ADAMTS2: variants seen among roughly 807,000 people sequenced by gnomAD.
ADAMTS2 encodes A disintegrin and metalloproteinase with thrombospondin motifs 2.
Under a neutral mutation model 123.0 loss-of-function variants are expected in ADAMTS2, and 50 were observed. The ratio of observed to expected loss-of-function variants is 0.41; its 90% CI spans 0.32 to 0.51. The LOEUF is 0.51. ADAMTS2 is among the 20% of genes least tolerant of loss of function. ADAMTS2 has a pLI of 0.35. For synonymous variants in ADAMTS2, 678 were observed against 695.4 expected (o/e 0.98, Z 0.39); for missense variants, 1,494 against 1,705.2 (o/e 0.88, Z 2.18).
intron 4 of ADAMTS2, among the ~76,000 whole-genome samples, chr5:179,190,222 G>T (rs879318928): frequency 2.0e-5 from 3 of 152,136 alleles, no homozygotes; most frequent in Non-Finnish European, 4.4e-5. Context: ...GAAAATTTTT[G>T]GGGGTGATAT....
At chr5:179,266,854 G>A (rs1382584532) in intron 3 of ADAMTS2, among the ~76,000 whole-genome samples, 10 of 152,180 alleles carry the variant, frequency 6.6e-5, no homozygotes, top group Non-Finnish European at 8.8e-5. Flanking sequence ...GATGAGTCTC[G>A]CCTGCTCCCC....
rs1764449673 is a variant in ADAMTS2, at chr5:179,197,249, A to C, written c.891+10264T>G. Among the ~76,000 whole-genome samples, 1 of 152,156 alleles carries C rather than the reference A, an allele frequency of 6.6e-6. No individual in the cohort carries two copies. The highest frequency in any genetic ancestry group is 2.4e-5 in the African/African-American group (1 of 41,418). ...AGGAGTGCGGTGGGACCAGGGGCTC[A>C]CAAAGACAGTTCAAGGTCTTTGTAG... On this transcript the variant is annotated intron_variant, in intron 4 of 21. Coordinates refer to ENST00000251582, the MANE Select transcript of ADAMTS2 (RefSeq NM_014244.5). This position sits in a 1 kb window ranked among gnomAD's most constrained non-coding sequence, Gnocchi z 4.2.
At chr5:179,203,842 G>A (rs576283079) in intron 4 of ADAMTS2, among the ~76,000 whole-genome samples, 15 of 152,284 alleles carry the variant, frequency 9.9e-5, no homozygotes, top group African/African-American at 1.9e-4. Context: ...CCTGTGTCCC[G>A]CAATTCTACT....
intron 19 of ADAMTS2, 74 bp downstream of exon 19, chr5:179,124,899 C>T (rs887272564): frequency 3.4e-5 from 54 of 1,593,726 alleles, no homozygotes; most frequent in African/African-American, 2.3e-4. Flanking sequence ...CTGAATGCAG[C>T]GCACGGAGCG....
At chr5:179,295,457 G>C (rs1756302809) in intron 2 of ADAMTS2, among the ~76,000 whole-genome samples, 1 of 152,212 alleles carries the variant, frequency 6.6e-6, no homozygotes, top group Admixed American at 6.5e-5. Context: ...AGCTCTGTGA[G>C]TTGTGCCTTT....
chr5:179,320,052 G>A lies in ADAMTS2; in HGVS notation c.534+23715C>T, dbSNP rs549613955. Among the ~76,000 whole-genome samples, 5 of 152,322 alleles carry A rather than the reference G, an allele frequency of 3.3e-5. No homozygotes were observed. The East Asian group carries it at 9.7e-4, about 29-fold the overall frequency. ...GATCAGTCAACCTCCCCAGCCTTCTGTTTGCCTTGCAGAGCCAGCCGACTC... is the reference window on the plus strand; with the variant it reads ...GATCAGTCAACCTCCCCAGCCTTCTATTTGCCTTGCAGAGCCAGCCGACTC... On this transcript the variant is annotated intron_variant, in intron 2 of 21. Coordinates refer to ENST00000251582, the MANE Select transcript of ADAMTS2 (RefSeq NM_014244.5).
At chr5:179,250,195 G>A (rs912328419) in intron 3 of ADAMTS2, among the ~76,000 whole-genome samples, 1 of 152,198 alleles carries the variant, frequency 6.6e-6, no homozygotes, top group Non-Finnish European at 1.5e-5. Context: ...AAATTCCTCA[G>A]CATGATAAAG....
chr5:179,272,816 T>C lies in ADAMTS2; in HGVS notation c.688+95A>G. The stretch of plus-strand genomic sequence containing the variant: ...GGCTCAGCCTCAGCAGCCAAGCTGG[T>C]CTGTGGAGAGCTGCCTGAGTCTCTG... On this transcript the variant is annotated intron_variant, in intron 3 of 21. Transcript: ENST00000251582. The surrounding 1 kb of genome is among the most constrained non-coding windows in gnomAD (Gnocchi z 5.8). 2.0e-6 allele frequency: 3 copies of C among 1,482,360 alleles called. No homozygotes were observed. Among genetic ancestry groups the C allele is most frequent in the Non-Finnish European group, 2.7e-6 (3 of 1,102,000 alleles). The allele number at this position is 1,482,360 out of a possible 1,614,324, so 91.8% of individuals were successfully genotyped here. A position where few individuals can be genotyped will look rare whatever the true frequency, so the allele number is the denominator to read the frequency against.
chr5:179,114,248 G>T lies in ADAMTS2; in HGVS notation c.3255C>A (p.Tyr1085Ter), dbSNP rs1438867174. 1 of 1,613,982 alleles carries T rather than the reference G, an allele frequency of 6.2e-7. No individual in the cohort carries two copies. Among genetic ancestry groups the T allele is most frequent in the African/African-American group, 1.3e-5 (1 of 74,928 alleles). Reference protein sequence around the residue: ...VLSRYCSIPGYNKLCCKSCNL... With the variant: ...VLSRYCSIPG ...TACAGGACTTGCAGCACAGCTTGTT[G>T]TAGCCTGGGATGGAGCAATAGCGGG... The change falls in exon 22 of 22, where the codon TAC becomes TAA. Residue 1085 changes from tyrosine (Y) to a stop codon, truncating the protein, a stop_gained. Transcript: ENST00000251582. LOFTEE classifies it high-confidence loss of function.
intron 4 of ADAMTS2, among the ~76,000 whole-genome samples, chr5:179,186,502 C>G (rs1166570046): frequency 6.6e-6 from 1 of 152,174 alleles, no homozygotes; most frequent in African/African-American, 2.4e-5. Flanking sequence ...CTCTACCATC[C>G]CAGGGCTCTA....
intron 2 of ADAMTS2, among the ~76,000 whole-genome samples, chr5:179,293,286 G>A (rs1451383862): frequency 1.3e-5 from 2 of 152,274 alleles, no homozygotes; most frequent in Non-Finnish European, 2.9e-5. Context: ...CTTGAGGAAA[G>A]TCAGATTAAT....
In ADAMTS2 at chr5:179,314,656, G is replaced by C. The variant is rs1293500357; in HGVS notation, c.534+29111C>G. Among the ~76,000 whole-genome samples, 3 of 152,106 alleles carry C rather than the reference G, an allele frequency of 2.0e-5. No individual in the cohort carries two copies. Among genetic ancestry groups the C allele is most frequent in the African/African-American group, 7.2e-5 (3 of 41,404 alleles). ...CAGAGGCCCATGTGCTTGTCCCACAGGGTGACGGGCCAGAATTACAAGCCC... is the reference window on the plus strand; with the variant it reads ...CAGAGGCCCATGTGCTTGTCCCACACGGTGACGGGCCAGAATTACAAGCCC... On this transcript the variant is annotated intron_variant, in intron 2 of 21. Coordinates refer to ENST00000251582, the MANE Select transcript of ADAMTS2 (RefSeq NM_014244.5). The surrounding 1 kb of genome is among the most constrained non-coding windows in gnomAD (Gnocchi z 4.5).
Position 179,146,012 on chromosome 5 carries a change from C to T in ADAMTS2, c.1630-5977G>A, listed in dbSNP as rs536632993. On this transcript the variant is annotated intron_variant, in intron 10 of 21. Coordinates refer to ENST00000251582, the MANE Select transcript of ADAMTS2 (RefSeq NM_014244.5). ...GGATTATAGGTGCCCACCACAAGGCCCAGCTAATTTTTTTGTATTTTTAGC... is the reference window on the plus strand; with the variant it reads ...GGATTATAGGTGCCCACCACAAGGCTCAGCTAATTTTTTTGTATTTTTAGC... 5.9e-5 allele frequency among the ~76,000 whole-genome samples: 9 copies of T among 152,236 alleles called. No individual in the cohort carries two copies. In the South Asian group the frequency reaches 1.9e-3, roughly 32 times the overall value.
In ADAMTS2 at chr5:179,260,117, C is replaced by A. The variant is rs1389687291; in HGVS notation, c.688+12794G>T. ...GGGACTAGCAAAGGCCCAGGGCCAC[C>A]CAATGTCCCATGGGCCCATGGGACC... On this transcript the variant is annotated intron_variant, in intron 3 of 21. Coordinates refer to ENST00000251582, the MANE Select transcript of ADAMTS2 (RefSeq NM_014244.5). This position sits in a 1 kb window ranked among gnomAD's most constrained non-coding sequence, Gnocchi z 4.2. Among the ~76,000 whole-genome samples the A allele has an allele frequency of 6.6e-6, 1 of 152,088 alleles. No homozygotes were observed. Among genetic ancestry groups the A allele is most frequent in the Non-Finnish European group, 1.5e-5 (1 of 68,024 alleles).
chr5:179,308,048 G>A lies in ADAMTS2; in HGVS notation c.535-34984C>T, dbSNP rs983969353. On this transcript the variant is annotated intron_variant, in intron 2 of 21. Coordinates refer to ENST00000251582, the MANE Select transcript of ADAMTS2 (RefSeq NM_014244.5). This position sits in a 1 kb window ranked among gnomAD's most constrained non-coding sequence, Gnocchi z 6.6. ...TACGGGAGGTCGCCGGCCCTCCCGA[G>A]GCTCCCTTCCCCTACTTCAGGATGG... Among the ~76,000 whole-genome samples the A allele has an allele frequency of 4.6e-5, 7 of 152,120 alleles. No individual in the cohort carries two copies. The highest frequency in any genetic ancestry group is 1.7e-4 in the African/African-American group (7 of 41,416).
chr5:179,123,657 G>A (rs572506376), intron 19 of ADAMTS2, among the ~76,000 whole-genome samples: 55 of 152,256 alleles, frequency 3.6e-4, no homozygotes, highest in African/African-American at 1.3e-3. Flanking sequence ...TCTAACACCT[G>A]AGTTCAGGCG....
chr5:179,286,216 CAAAAAAAAAAAA>C (rs33951526), intron 2 of ADAMTS2, among the ~76,000 whole-genome samples: 4 of 66,050 alleles, frequency 6.1e-5, no homozygotes, highest in Admixed American at 1.6e-4. Flanking sequence ...ACTCTTGTCT[CAAAAAAAAAAAA>C]AAAAAAAAAA....
intron 5 of ADAMTS2, among the ~76,000 whole-genome samples, chr5:179,173,753 G>A (rs377748781): frequency 2.6e-5 from 4 of 152,174 alleles, no homozygotes; most frequent in South Asian, 4.2e-4. Flanking sequence ...GGTGGCTCGC[G>A]CCCCATAACC....
chr5:179,222,118 C>T (rs1765140622), intron 3 of ADAMTS2, among the ~76,000 whole-genome samples: 1 of 152,098 alleles, frequency 6.6e-6, no homozygotes, highest in Non-Finnish European at 1.5e-5. Context: ...TGTGTGAACT[C>T]CGTGGGTCCA....
Sources: allele counts gnomAD v4.1 joint callset (sites outside exome capture counted in the v4.1 genomes callset), GRCh38; gene constraint gnomAD v4.1.1; non-coding constraint Gnocchi (gnomAD v3.1); transcripts MANE v1.5; gene names NCBI Gene and HGNC (gene_info 2026-07-23, HGNC 2026-07-21).